Variants in SIPA1L3 observed in about 807,000 individuals in gnomAD.
SIPA1L3 encodes the protein signal induced proliferation associated 1 like 3, also known as signal-induced proliferation-associated 1-like protein 3.
SIPA1L3 carries 59 observed loss-of-function variants against 150.1 expected under a neutral mutation model. The observed-to-expected ratio is 0.39, with a 90% CI of 0.32 to 0.49. The LOEUF (loss-of-function observed/expected upper bound fraction) is 0.49. Ranked by LOEUF, SIPA1L3 falls within the 20% of genes least tolerant of loss-of-function variation. SIPA1L3 has a pLI of 0.86. For missense variants in SIPA1L3, 2,211 were observed against 2,489.5 expected (o/e 0.89, Z 2.38); for synonymous variants, 1,070 against 1,077.6 (o/e 0.99, Z 0.14).
At chr19:38,105,971 TACACACCTA>T (rs1349062261) in intron 6 of SIPA1L3, among the ~76,000 whole-genome samples, 2 of 152,200 alleles carry the variant, frequency 1.3e-5, no homozygotes, top group African/African-American at 4.8e-5. Context: ...TGTACCAAGT[TACACACCTA>T]ACCAGCCACC....
chr19:38,081,572 A>G lies in SIPA1L3; in HGVS notation c.7A>G (p.Thr3Ala). ...ACTCCAGTGCCCGTGGACTATGACC[A>G]CCTATCGGGCCATCCCCAGCGATGG... is the stretch of plus-strand genomic sequence containing the variant. MTTYRAIPSDGVD... is the reference protein window; with the variant it reads MTAYRAIPSDGVD... Residue 3 changes from threonine (T) to alanine (A), a missense_variant, in exon 3 of 22, where the codon ACC becomes GCC. By Grantham distance (58) the Thr-to-Ala change is moderately conservative. This residue lies in a region of SIPA1L3 where 130 missense variants were observed against 174.5 expected (regional missense o/e 0.74). Coordinates refer to ENST00000222345, the MANE Select transcript of SIPA1L3 (RefSeq NM_015073.3). The G allele has an allele frequency of 1.3e-6, 2 of 1,581,030 alleles. No individual in the cohort carries two copies. The highest frequency in any genetic ancestry group is 2.7e-5 in the African/African-American group (2 of 74,460).
At chr19:38,199,668 G>T (rs1009153447) in intron 19 of SIPA1L3, among the ~76,000 whole-genome samples, 28 of 152,158 alleles carry the variant, frequency 1.8e-4, no homozygotes, top group African/African-American at 6.8e-4. Flanking sequence ...CCATGGAGGT[G>T]CCTCCCCGGG....
At chr19:38,146,977 T>G (rs1180725909) in intron 12 of SIPA1L3, among the ~76,000 whole-genome samples, 1 of 152,210 alleles carries the variant, frequency 6.6e-6, no homozygotes, top group Non-Finnish European at 1.5e-5. Flanking sequence ...ATATGCGATT[T>G]GCAAATATTT....
intron 1 of SIPA1L3, among the ~76,000 whole-genome samples, chr19:38,005,676 C>A (rs1173250600): frequency 6.6e-6 from 1 of 152,210 alleles, no homozygotes; most frequent in Non-Finnish European, 1.5e-5. Context: ...AGGTATGACC[C>A]TTTCCACCAA....
At position 37,956,834 on chromosome 19, in the gene SIPA1L3, A is replaced by G. The variant is rs73633169; in HGVS notation, c.-379+49476A>G. On this transcript the variant is annotated intron_variant, in intron 1 of 21. Transcript: ENST00000222345. ...AATTCCGTTTATCAATTAGTCTTTT[A>G]TGGATTGTGCTTTTGGTATTATATT... Among the ~76,000 whole-genome samples, 915 of 152,252 alleles carry G rather than the reference A, an allele frequency of 6.0e-3. 10 individuals are homozygous for G. Among genetic ancestry groups the G allele is most frequent in the African/African-American group, 0.021 (865 of 41,540 alleles).
intron 13 of SIPA1L3, among the ~76,000 whole-genome samples, chr19:38,158,563 G>A (rs1972001958): frequency 6.6e-6 from 1 of 152,220 alleles, no homozygotes; most frequent in African/African-American, 2.4e-5. Context: ...ATCTGACTCG[G>A]GTGTTCCCAG....
chr19:37,918,422 G>A (rs1352969449), intron 1 of SIPA1L3, among the ~76,000 whole-genome samples: 1 of 151,806 alleles, frequency 6.6e-6, no homozygotes, highest in African/African-American at 2.4e-5. Flanking sequence ...ACCACACCTA[G>A]CTAATTTTTG....
chr19:37,944,015 G>A (rs1437598974), intron 1 of SIPA1L3, among the ~76,000 whole-genome samples: 1 of 152,150 alleles, frequency 6.6e-6, no homozygotes, highest in African/African-American at 2.4e-5. Flanking sequence ...GGCCGGACAC[G>A]CCTGTAATCC....
chr19:37,975,068 A>T (rs568719218), intron 1 of SIPA1L3, among the ~76,000 whole-genome samples: 4 of 152,310 alleles, frequency 2.6e-5, no homozygotes, highest in Admixed American at 1.3e-4. Context: ...TACGGTGCCT[A>T]CCAGACTCCA....
intron 6 of SIPA1L3, among the ~76,000 whole-genome samples, chr19:38,105,878 G>A (rs1304217931): frequency 1.3e-5 from 2 of 152,136 alleles, no homozygotes; most frequent in African/African-American, 4.8e-5. Context: ...CTGGGCTGTG[G>A]TCCAAGGAAA....
At chr19:38,091,692 T>C (rs1417460851) in intron 4 of SIPA1L3, among the ~76,000 whole-genome samples, 3 of 152,176 alleles carry the variant, frequency 2.0e-5, no homozygotes, top group Non-Finnish European at 2.9e-5. Context: ...CAGCTTAGAC[T>C]GCACACTGGA....
chr19:38,041,158 C>A (rs1315408220), intron 2 of SIPA1L3, among the ~76,000 whole-genome samples: 1 of 145,432 alleles, frequency 6.9e-6, no homozygotes, highest in East Asian at 2.0e-4. Flanking sequence ...CCAGGCTAGA[C>A]TGCAGTAGCT....
At chr19:37,910,530 GAA>G (rs571813302) in intron 1 of SIPA1L3, among the ~76,000 whole-genome samples, 4 of 104,008 alleles carry the variant, frequency 3.8e-5, no homozygotes, top group Non-Finnish European at 4.0e-5. Context: ...CCCTGTCTCA[GAA>G]AAAAAAAAAA....
chr19:38,017,857 A>G (rs1968274096), intron 1 of SIPA1L3, among the ~76,000 whole-genome samples: 1 of 151,964 alleles, frequency 6.6e-6, no homozygotes. Context: ...AACACTGACA[A>G]TCTCTGTGAA....
chr19:38,076,158 T>A (rs898728993), intron 2 of SIPA1L3, among the ~76,000 whole-genome samples: 1 of 151,638 alleles, frequency 6.6e-6, no homozygotes. Flanking sequence ...ATAATAATAA[T>A]AAATAAGTAA....
chr19:38,188,839 C>T (rs943664077), intron 16 of SIPA1L3, among the ~76,000 whole-genome samples: 1 of 151,448 alleles, frequency 6.6e-6, no homozygotes, highest in Non-Finnish European at 1.5e-5. Context: ...AGGAGAATGG[C>T]GTGAACCTCG....
intron 1 of SIPA1L3, among the ~76,000 whole-genome samples, chr19:38,027,176 A>C (rs903393244): frequency 1.3e-5 from 2 of 152,170 alleles, no homozygotes; most frequent in African/African-American, 4.8e-5. Context: ...CTGTAAACCC[A>C]GCTACTCGGG....
intron 6 of SIPA1L3, among the ~76,000 whole-genome samples, chr19:38,102,592 GAAAAAAAAA>G (rs71179412): frequency 1.5e-5 from 1 of 66,876 alleles, no homozygotes; most frequent in Admixed American, 1.5e-4. Flanking sequence ...CCCTGTCTCT[GAAAAAAAAA>G]AAAAAAAAAA....
intron 1 of SIPA1L3, among the ~76,000 whole-genome samples, chr19:37,924,426 T>TTC (rs1318790434): frequency 6.6e-6 from 1 of 151,518 alleles, no homozygotes; most frequent in Admixed American, 6.6e-5. Context: ...TTTTTTTTTT[T>TTC]TTTGTATATA....
Sources: gnomAD v4.1 joint callset for allele counts (sites outside exome capture counted in the v4.1 genomes callset) on GRCh38, gnomAD v4.1.1 for gene constraint, gnomAD v4.1.1 regional missense constraint, MANE v1.5 for transcripts, NCBI Gene and HGNC (gene_info 2026-07-23, HGNC 2026-07-21) for gene names.